FAM219A: variants seen among roughly 807,000 people sequenced by gnomAD.
FAM219A encodes protein FAM219A.
FAM219A carries 7 observed loss-of-function variants against 23.4 expected under a neutral mutation model. The ratio of observed to expected loss-of-function variants is 0.30; its 90% CI spans 0.17 to 0.56. The LOEUF (loss-of-function observed/expected upper bound fraction) is 0.56. Among genes scored for constraint, FAM219A ranks in the 20% least tolerant of loss-of-function variants. FAM219A has a pLI of 0.92. For missense variants in FAM219A, 166 were observed against 246.9 expected (o/e 0.67, Z 2.20); for synonymous variants, 93 against 99.0 (o/e 0.94, Z 0.36).
intron 1 of FAM219A, 53 bp from the exon 2 acceptor site, chr9:34,406,017 GC>G (rs1248554337): frequency 6.6e-7 from 1 of 1,515,712 alleles, no homozygotes; most frequent in Non-Finnish European, 9.0e-7. Context: ...AAGACAGGGG[GC>G]TGCTCTCAGT....
At chr9:34,450,308 C>CAAAAAAA (rs35932974) in intron 1 of FAM219A, among the ~76,000 whole-genome samples, 1 of 125,658 alleles carries the variant, frequency 8.0e-6, no homozygotes. Context: ...GACCCTGTCT[C>CAAAAAAA]AAAAAAAAAA....
rs1159946849 is a variant in FAM219A, at chr9:34,401,194, A to T, written c.400-72T>A. On this transcript the variant is annotated intron_variant, in intron 5 of 5. Coordinates refer to ENST00000651358, the MANE Select transcript of FAM219A (RefSeq NM_001184940.2). ...CCACCCACAGCTCTGCGGCCACTCC[A>T]GGCCGTCTGCGCCCCAGTCCAGCCA... The T allele has an allele frequency of 3.2e-6, 5 of 1,552,672 alleles. No homozygotes were observed. The East Asian group carries it at 6.8e-5, about 21-fold the overall frequency.
rs1821385306 is a variant in FAM219A, at chr9:34,400,672, C to A, written c.*292G>T. 3.3e-6 allele frequency: 1 copy of A among 306,976 alleles called. No individual in the cohort carries two copies. Among genetic ancestry groups the A allele is most frequent in the South Asian group, 1.1e-4 (1 of 9,158 alleles). The allele number at this position is 306,976 out of a possible 1,614,324, so 19.0% of individuals were successfully genotyped here. ...CGTCCAGTCTTCTCTCTTGGCCAGC[C>A]CTGGGAAGCGGGGCAGGGTGCTGGG... On this transcript the variant is annotated 3_prime_UTR_variant, in exon 6 of 6. Transcript: ENST00000651358.
At chr9:34,426,801 C>T (rs1822499078) in intron 1 of FAM219A, among the ~76,000 whole-genome samples, 1 of 152,158 alleles carries the variant, frequency 6.6e-6, no homozygotes, top group South Asian at 2.1e-4. Flanking sequence ...CTTTCTTCCT[C>T]CTCCCTCCTC....
chr9:34,411,671 C>T lies in FAM219A; in HGVS notation c.61-5707G>A, dbSNP rs868195697. On this transcript the variant is annotated intron_variant, in intron 1 of 5. Transcript: ENST00000651358. ...CAGCCTGGGCGACAGAGCGAGACTC[C>T]GTCTCAAAAAAAAAAAAAAAAAGAA... 1.0e-4 allele frequency among the ~76,000 whole-genome samples: 10 copies of T among 97,034 alleles called. No homozygotes were observed. The South Asian group carries it at 2.8e-3, about 28-fold the overall frequency. The allele number at this position is 97,034 out of a possible 152,430, so 63.7% of individuals were successfully genotyped here. A position where few individuals can be genotyped will look rare whatever the true frequency, so the allele number is the denominator to read the frequency against.
Position 34,398,368 on chromosome 9 carries a change from G to T in FAM219A, c.*2596C>A. 2 of 1,550,662 alleles carry T rather than the reference G, an allele frequency of 1.3e-6. No individual in the cohort carries two copies. The highest frequency in any genetic ancestry group is 1.7e-6 in the Non-Finnish European group (2 of 1,146,960). ...GGCTGGGTGGCAGCCACAGCTGAGA[G>T]AGGAGGGAGTGTTAAGGCAGTATCT... On this transcript the variant is annotated 3_prime_UTR_variant, in exon 6 of 6. Transcript: ENST00000651358.
chr9:34,438,424 AGGT>A (rs1458894485), intron 1 of FAM219A, among the ~76,000 whole-genome samples: 1 of 152,162 alleles, frequency 6.6e-6, no homozygotes, highest in Non-Finnish European at 1.5e-5. Flanking sequence ...TCTGGTGGGG[AGGT>A]GGAGAACCTT....
intron 1 of FAM219A, among the ~76,000 whole-genome samples, chr9:34,438,876 G>A (rs535391750): frequency 6.6e-6 from 1 of 152,364 alleles, no homozygotes; most frequent in East Asian, 1.9e-4. Flanking sequence ...CATCCACACT[G>A]TGGAAGCTTT....
chr9:34,456,018 C>G (rs1823717723), intron 1 of FAM219A, among the ~76,000 whole-genome samples: 1 of 152,148 alleles, frequency 6.6e-6, no homozygotes, highest in Admixed American at 6.5e-5. Flanking sequence ...CATGGCGAAA[C>G]CCTGTCTCTA....
intron 1 of FAM219A, among the ~76,000 whole-genome samples, chr9:34,429,685 G>A (rs555959443): frequency 5.3e-5 from 8 of 152,162 alleles, no homozygotes; most frequent in South Asian, 2.1e-4. Context: ...CTCCAGACTC[G>A]CTAGTTTTAT....
intron 1 of FAM219A, among the ~76,000 whole-genome samples, chr9:34,419,987 C>T (rs967189106): frequency 8.5e-5 from 13 of 152,298 alleles, no homozygotes; most frequent in African/African-American, 3.1e-4. Context: ...GCCTGGCAGG[C>T]ACTACTCTTT....
At chr9:34,427,439 T>G (rs1822529752) in intron 1 of FAM219A, among the ~76,000 whole-genome samples, 1 of 152,210 alleles carries the variant, frequency 6.6e-6, no homozygotes, top group African/African-American at 2.4e-5. Context: ...CCAGGCTCAG[T>G]TAGATCCTTC....
At chr9:34,401,147 A>G in intron 5 of FAM219A, 25 bp from the exon 6 acceptor site, 1 of 1,610,126 alleles carries the variant, frequency 6.2e-7, no homozygotes, top group Non-Finnish European at 8.5e-7. Flanking sequence ...GAGGGAGGTC[A>G]GGCCCGAGCG....
intron 1 of FAM219A, among the ~76,000 whole-genome samples, chr9:34,414,601 G>A (rs1821934239): frequency 6.6e-6 from 1 of 152,194 alleles, no homozygotes; most frequent in African/African-American, 2.4e-5. Flanking sequence ...CTTCTTATAG[G>A]GATAAGGTCT....
At chr9:34,406,296 C>T (rs1821634778) in intron 1 of FAM219A, 1 of 985,224 alleles carries the variant, frequency 1.0e-6, no homozygotes, top group Non-Finnish European at 1.2e-6. Flanking sequence ...ATACTAGTAG[C>T]CCTTCCCCTC....
chr9:34,447,683 T>C (rs1290578727), intron 1 of FAM219A, among the ~76,000 whole-genome samples: 1 of 152,216 alleles, frequency 6.6e-6, no homozygotes, highest in African/African-American at 2.4e-5. Flanking sequence ...ATATTAAGTG[T>C]GGCCAACCAC....
At chr9:34,406,349 C>A (rs1821636440) in intron 1 of FAM219A, 2 of 985,286 alleles carry the variant, frequency 2.0e-6, no homozygotes, top group Middle Eastern at 5.2e-4. Context: ...TTCCTAGGTT[C>A]CTGTGAGTTT....
intron 1 of FAM219A, among the ~76,000 whole-genome samples, chr9:34,435,864 G>A (rs756248562): frequency 1.3e-5 from 2 of 151,856 alleles, no homozygotes; most frequent in Non-Finnish European, 2.9e-5. Flanking sequence ...GGAGTGCAAT[G>A]GCATGATCTC....
intron 1 of FAM219A, among the ~76,000 whole-genome samples, chr9:34,426,844 T>C (rs1263254406): frequency 2.6e-5 from 4 of 152,166 alleles, no homozygotes; most frequent in African/African-American, 4.8e-5. Context: ...ACCATTCCAT[T>C]TGTGTGATCC....
Sources: gnomAD v4.1 joint callset for allele counts (sites outside exome capture counted in the v4.1 genomes callset) on GRCh38, gnomAD v4.1.1 for gene constraint, MANE v1.5 for transcripts, NCBI Gene and HGNC (gene_info 2026-07-23, HGNC 2026-07-21) for gene names.